The following MEGF8 variants were observed in gnomAD, a reference collection of about 807,000 sequenced individuals.
MEGF8 encodes the protein multiple epidermal growth factor-like domains protein 8.
MEGF8 carries 156 observed loss-of-function variants against 302.9 expected under a neutral mutation model. The observed-to-expected ratio is 0.52, with a 90% confidence interval of 0.45 to 0.59. MEGF8 has a LOEUF of 0.59. Ranked by LOEUF, MEGF8 falls within the 20% of genes least tolerant of loss-of-function variation. The pLI, the probability that MEGF8 is intolerant of heterozygous loss-of-function variation, is 0.00. For synonymous variants in MEGF8, 1,621 were observed against 1,660.5 expected, an observed-to-expected ratio of 0.98 and a Z score of 0.58; for missense variants, 3,345 against 3,964.5, an observed-to-expected ratio of 0.84 and a Z score of 4.20.
chr19:42,360,845 G>C lies in MEGF8; in HGVS notation c.5559G>C (p.Leu1853=). Residue 1853 remains leucine, a synonymous_variant, in exon 32 of 42, where the codon CTG becomes CTC. Transcript: ENST00000251268. ...AHAVAAVGSR[L]YISGGFGGVA... ...CTGTGGCAGCAGTCGGGAGCCGCCT[G>C]TATATCTCTGGGGGTTTCGGGGGAG... 1 of 1,612,844 alleles carries C rather than the reference G, an allele frequency of 6.2e-7. No individual in the cohort carries two copies.
Position 42,358,565 on chromosome 19 carries a change from G to A in MEGF8, c.5176-222G>A, listed in dbSNP as rs912252350. Among the ~76,000 whole-genome samples, 9 of 152,246 alleles carry A rather than the reference G, an allele frequency of 5.9e-5. No homozygotes were observed. Among genetic ancestry groups the A allele is most frequent in the Middle Eastern group, 3.4e-3 (1 of 294 alleles). On this transcript the variant is annotated intron_variant, in intron 29 of 41. Coordinates refer to ENST00000251268, the MANE Select transcript of MEGF8 (RefSeq NM_001271938.2). This position sits in a 1 kb window ranked among gnomAD's most constrained non-coding sequence, Gnocchi z 4.4. Reference sequence around the variant, plus strand: ...TGCGGCCCTGGCAGGCCCCTTCCCCGTCCTGGGTTTTTCCACTCGTATAAA... The same window carrying A: ...TGCGGCCCTGGCAGGCCCCTTCCCCATCCTGGGTTTTTCCACTCGTATAAA...
Position 42,375,421 on chromosome 19 carries a change from G to A in MEGF8, c.7270-86G>A, listed in dbSNP as rs375558629. ...CAGGGCAATGGCTACTTAGCAGTGG[G>A]TATAGAGTATTCGTCACTGCTGCTT... On this transcript the variant is annotated intron_variant, in intron 41 of 41. Transcript: ENST00000251268. This position sits in a 1 kb window ranked among gnomAD's most constrained non-coding sequence, Gnocchi z 7.1. 7.6e-7 allele frequency: 1 copy of A among 1,319,576 alleles called. No homozygotes were observed. Among genetic ancestry groups the A allele is most frequent in the Admixed American group, 2.4e-5 (1 of 40,900 alleles). The allele number at this position is 1,319,576 out of a possible 1,614,324, so 81.7% of individuals were successfully genotyped here.
intron 1 of MEGF8, 120 bp downstream of exon 1, chr19:42,326,550 T>G: frequency 7.1e-7 from 1 of 1,412,260 alleles, no homozygotes; most frequent in Non-Finnish European, 9.2e-7. Flanking sequence ...CTAAAATGCC[T>G]GACACCCAGG....
chr19:42,339,367 C>T (rs1408925877), intron 8 of MEGF8, among the ~76,000 whole-genome samples: 1 of 152,214 alleles, frequency 6.6e-6, no homozygotes, highest in Non-Finnish European at 1.5e-5. Context: ...TCTGCAACCT[C>T]ACTCGCATGT....
chr19:42,347,682 G>A (rs2039310691), intron 12 of MEGF8, among the ~76,000 whole-genome samples: 1 of 152,002 alleles, frequency 6.6e-6, no homozygotes, highest in Non-Finnish European at 1.5e-5. Context: ...AGTAGAGATG[G>A]GGTTTCACCA....
chr19:42,358,325 A>G lies in MEGF8; in HGVS notation c.5175+18A>G. 1 of 1,590,758 alleles carries G rather than the reference A, an allele frequency of 6.3e-7. No individual in the cohort carries two copies. The highest frequency in any genetic ancestry group is 8.6e-7 in the Non-Finnish European group (1 of 1,169,572). ...GGGCAAAGGTCAGGAAAAGAGGCTC[A>G]GACCCAAGGATGTATGGGGCAGGAG... On this transcript the variant is annotated intron_variant, in intron 29 of 41. Transcript: ENST00000251268. This position sits in a 1 kb window ranked among gnomAD's most constrained non-coding sequence, Gnocchi z 4.4.
chr19:42,349,460 G>T (rs981560790), intron 13 of MEGF8, 39 bp from the exon 14 acceptor site: 1 of 1,573,134 alleles, frequency 6.4e-7, no homozygotes. Context: ...GAATGGGAAG[G>T]GTTCTGAGGC....
Position 42,353,571 on chromosome 19 carries a change from A to G in MEGF8, c.3657A>G (p.Pro1219=), listed in dbSNP as rs1378130117. 2.5e-6 allele frequency: 4 copies of G among 1,600,838 alleles called. No homozygotes were observed. The highest frequency in any genetic ancestry group is 3.4e-6 in the Non-Finnish European group (4 of 1,174,268). ...RPCQCNGHGD[P]RRGHCDNLSG... ...GCCAGTGCAACGGGCACGGGGACCC[A>G]CGCCGTGGCCACTGCGACAACCTCA... The change falls in exon 21 of 42, where the codon CCA becomes CCG. Residue 1219 remains proline (P), a synonymous_variant. Coordinates refer to ENST00000251268, the MANE Select transcript of MEGF8 (RefSeq NM_001271938.2). The surrounding 1 kb of genome is among the most constrained non-coding windows in gnomAD (Gnocchi z 6.1).
chr19:42,356,161 T>A lies in MEGF8; in HGVS notation c.4471T>A (p.Trp1491Arg). The A allele has an allele frequency of 6.4e-7, 1 of 1,560,894 alleles. No homozygotes were observed. Among genetic ancestry groups the A allele is most frequent in the Non-Finnish European group, 8.7e-7 (1 of 1,151,802 alleles). ...CAAGCTGGATGGCGGGCAGCTGGTC[T>A]GGGAGACCCTCATGGACAGCCGCCT... ...ATKLDGGQLV[W>R]ETLMDSRLSA... The change falls in exon 25 of 42, where the codon TGG (tryptophan) becomes AGG (arginine). Residue 1491 changes from tryptophan to arginine, a missense_variant. By Grantham distance (101) the Trp-to-Arg change is moderately radical. Coordinates refer to ENST00000251268, the MANE Select transcript of MEGF8 (RefSeq NM_001271938.2). The surrounding 1 kb of genome is among the most constrained non-coding windows in gnomAD (Gnocchi z 5.2).
At position 42,352,181 on chromosome 19, in the gene MEGF8, C is replaced by T. The variant is rs763477942; in HGVS notation, c.3102-27C>T. 46 of 1,487,198 alleles carry T rather than the reference C, an allele frequency of 3.1e-5. No individual in the cohort carries two copies. Among genetic ancestry groups the T allele is most frequent in the Admixed American group, 2.2e-4 (9 of 40,378 alleles). 92.1% of individuals were successfully genotyped at this position (1,487,198 alleles called of 1,614,324 possible). On this transcript the variant is annotated intron_variant, in intron 18 of 41. Coordinates refer to ENST00000251268, the MANE Select transcript of MEGF8 (RefSeq NM_001271938.2). This position sits in a 1 kb window ranked among gnomAD's most constrained non-coding sequence, Gnocchi z 4.4. ...ATGGCTCCTGTTTCTATGTTGTCCC[C>T]CGCTTCTTCACTCTCCCACCCTGCA...
rs752081500 is a variant in MEGF8 at position 42,368,866 on chromosome 19, G to A, written c.6505G>A (p.Ala2169Thr). The A allele has an allele frequency of 6.8e-6, 11 of 1,613,628 alleles. No homozygotes were observed. Among genetic ancestry groups the A allele is most frequent in the East Asian group, 2.2e-5 (1 of 44,898 alleles). The change falls in exon 37 of 42, where the codon GCC becomes ACC. Residue 2169 changes from alanine to threonine, a missense_variant. Ala to Thr is a moderately conservative substitution (Grantham distance 58). Transcript: ENST00000251268. The surrounding 1 kb of genome is among the most constrained non-coding windows in gnomAD (Gnocchi z 4.9). ...RDGLTCGRPG[A>T]SWAFLSCPPE... The stretch of plus-strand genomic sequence containing the variant: ...AGGGCTGACATGTGGGCGTCCGGGG[G>A]CCTCCTGGGCCTTCCTGTCCTGCCC...
intron 32 of MEGF8, 61 bp from the exon 33 acceptor site, chr19:42,362,029 C>T: frequency 6.3e-7 from 1 of 1,593,638 alleles, no homozygotes; most frequent in Non-Finnish European, 8.5e-7. Flanking sequence ...AGGACAGTGT[C>T]TGGGAGGCAG....
intron 41 of MEGF8, among the ~76,000 whole-genome samples, chr19:42,372,072 C>CAA (rs769014166): frequency 9.0e-5 from 7 of 77,696 alleles, no homozygotes; most frequent in African/African-American, 2.8e-4. Context: ...ACAACAACAA[C>CAA]AAACACACAC....
rs1183035992 is a variant in MEGF8 at position 42,352,293 on chromosome 19, C to T, written c.3187C>T (p.Leu1063Phe). ...VGEGLGLPVA[L>F]PARWAYARCP... ...GGAGGGCCTGGGGCTTCCCGTGGCCCTCCCTGCCCGCTGGGCATACGCCCG... is the reference window on the plus strand; with the variant it reads ...GGAGGGCCTGGGGCTTCCCGTGGCCTTCCCTGCCCGCTGGGCATACGCCCG... Residue 1063 changes from leucine (L) to phenylalanine (F), a missense_variant, in exon 19 of 42, where the codon CTC becomes TTC. Leu to Phe is a conservative substitution (Grantham distance 22). Transcript: ENST00000251268. The surrounding 1 kb of genome is among the most constrained non-coding windows in gnomAD (Gnocchi z 4.4). 6.4e-7 allele frequency: 1 copy of T among 1,571,610 alleles called. No individual in the cohort carries two copies. Among genetic ancestry groups the T allele is most frequent in the Non-Finnish European group, 8.6e-7 (1 of 1,158,638 alleles).
intron 12 of MEGF8, among the ~76,000 whole-genome samples, chr19:42,345,491 C>T (rs887296459): frequency 1.8e-4 from 28 of 152,238 alleles, no homozygotes; most frequent in African/African-American, 6.5e-4. Flanking sequence ...TGTTTTCCAT[C>T]TCTGGATTTG....
intron 41 of MEGF8, among the ~76,000 whole-genome samples, chr19:42,372,039 A>AAACAACAACAACAAC (rs59779006): frequency 4.5e-4 from 65 of 144,690 alleles, no homozygotes; most frequent in African/African-American, 1.7e-3. Flanking sequence ...CTCTGTCTCA[A>AAACAACAACAACAAC]AACAACAACA....
At chr19:42,361,635 T>C (rs2039533006) in intron 32 of MEGF8, among the ~76,000 whole-genome samples, 1 of 152,098 alleles carries the variant, frequency 6.6e-6, no homozygotes, top group Non-Finnish European at 1.5e-5. Context: ...CGTGTGTACC[T>C]CTTGGGATTT....
At chr19:42,340,591 C>G (rs970732474) in intron 8 of MEGF8, among the ~76,000 whole-genome samples, 4 of 152,230 alleles carry the variant, frequency 2.6e-5, no homozygotes, top group Admixed American at 2.6e-4. Flanking sequence ...ATCTGCCCGC[C>G]TGGGCCTCCC....
chr19:42,351,690 G>C lies in MEGF8; in HGVS notation c.3030G>C (p.Leu1010=). ...GGTGCCGGAGCTGCGATGGCTTCCT[G>C]ACCTGCCATGAGTGTCTGCAGAGCC... is the stretch of plus-strand genomic sequence containing the variant. The part of the protein sequence containing the change: ...EPRCRSCDGF[L]TCHECLQSHE... Residue 1010 remains leucine (L), a synonymous_variant, in exon 18 of 42, where the codon CTG becomes CTC. Transcript: ENST00000251268. This position sits in a 1 kb window ranked among gnomAD's most constrained non-coding sequence, Gnocchi z 5.6. 4.4e-6 allele frequency: 7 copies of C among 1,591,956 alleles called. No homozygotes were observed. Among genetic ancestry groups the C allele is most frequent in the Non-Finnish European group, 5.1e-6 (6 of 1,170,096 alleles).
Sources: allele counts gnomAD v4.1 joint callset (sites outside exome capture counted in the v4.1 genomes callset), GRCh38; gene constraint gnomAD v4.1.1; non-coding constraint Gnocchi (gnomAD v3.1); transcripts MANE v1.5; gene names NCBI Gene and HGNC (gene_info 2026-07-23, HGNC 2026-07-21).